Variants in P2RY14 observed in about 807,000 individuals in gnomAD.
The protein encoded by P2RY14 is purinergic receptor P2Y14, also known as P2Y purinoceptor 14.
In P2RY14, 2 loss-of-function variants were observed where a neutral mutation model predicts 0.9. That is an observed-to-expected ratio of 2.16 (90% CI 0.88 to 6.79). The LOEUF is 6.79. Among genes scored for constraint, P2RY14 ranks in the 30% most tolerant of loss-of-function variants. The pLI, the probability that P2RY14 is intolerant of heterozygous loss-of-function variation, is 0.05. For synonymous variants in P2RY14, 158 were observed against 147.2 expected, an observed-to-expected ratio of 1.07 and a Z score of -0.53; for missense variants, 378 against 400.1, an observed-to-expected ratio of 0.94 and a Z score of 0.47.
At chr3:151,265,441 T>A (rs1577174307) in intron 1 of P2RY14, among the ~76,000 whole-genome samples, 1 of 152,220 alleles carries the variant, frequency 6.6e-6, no homozygotes, top group African/African-American at 2.4e-5. Flanking sequence ...TCTGCTTCTT[T>A]ACTCTTATAT....
chr3:151,269,986 C>A, intron 1 of P2RY14: 4 of 274,250 alleles, frequency 1.5e-5, no homozygotes, highest in Non-Finnish European at 2.1e-5. Context: ...ACTTGGTTTT[C>A]AATATGGATG....
intron 1 of P2RY14, among the ~76,000 whole-genome samples, chr3:151,225,201 C>T (rs903466485): frequency 6.6e-6 from 1 of 152,184 alleles, no homozygotes; most frequent in African/African-American, 2.4e-5. Flanking sequence ...CCCTCGACTT[C>T]ACAGAAGTTG....
chr3:151,234,401 G>A (rs550685265), intron 1 of P2RY14, among the ~76,000 whole-genome samples: 40 of 152,350 alleles, frequency 2.6e-4, no homozygotes, highest in Non-Finnish European at 4.9e-4. Context: ...GTAGAGCTGA[G>A]ATTTGAATCG....
chr3:151,258,851 C>CAAA (rs63714361), intron 1 of P2RY14, among the ~76,000 whole-genome samples: 3 of 89,910 alleles, frequency 3.3e-5, no homozygotes, highest in African/African-American at 4.7e-5. Flanking sequence ...GATTCTGTCT[C>CAAA]AAAAAAAAAA....
intron 1 of P2RY14, among the ~76,000 whole-genome samples, chr3:151,230,495 A>G (rs1317305012): frequency 1.3e-5 from 2 of 151,846 alleles, no homozygotes; most frequent in African/African-American, 4.8e-5. Flanking sequence ...TCGTTATACT[A>G]TACACTACAC....
At chr3:151,237,045 C>CTT (rs56926535) in intron 1 of P2RY14, among the ~76,000 whole-genome samples, 2,527 of 125,792 alleles carry the variant, frequency 0.02, 107 homozygotes, top group African/African-American at 0.07. Flanking sequence ...TGATGCCAAA[C>CTT]TTTTTTTTTT....
chr3:151,239,332 C>A (rs558869383), intron 1 of P2RY14, among the ~76,000 whole-genome samples: 1 of 152,150 alleles, frequency 6.6e-6, no homozygotes, highest in Non-Finnish European at 1.5e-5. Context: ...AAAAAACCAC[C>A]TGTTGAGTTT....
At chr3:151,222,994 A>G (rs993116387) in intron 1 of P2RY14, among the ~76,000 whole-genome samples, 1 of 152,132 alleles carries the variant, frequency 6.6e-6, no homozygotes, top group African/African-American at 2.4e-5. Flanking sequence ...AGAGGTGGCG[A>G]TTGTGATCAT....
At chr3:151,223,219 GA>G (rs1391664795) in intron 1 of P2RY14, among the ~76,000 whole-genome samples, 1 of 107,022 alleles carries the variant, frequency 9.3e-6, no homozygotes, top group African/African-American at 3.8e-5. Flanking sequence ...GCAGAAAAAA[GA>G]GAACACTTAT....
chr3:151,272,363 C>G (rs1482410028), intron 1 of P2RY14, among the ~76,000 whole-genome samples: 1 of 152,294 alleles, frequency 6.6e-6, no homozygotes, highest in South Asian at 2.1e-4. Context: ...TTTTTCTACT[C>G]AGTATATCAT....
At chr3:151,246,385 A>C (rs969119717) in intron 1 of P2RY14, among the ~76,000 whole-genome samples, 1 of 152,082 alleles carries the variant, frequency 6.6e-6, no homozygotes, top group African/African-American at 2.4e-5. Context: ...ACAAGGCTAC[A>C]GTAACCAAAA....
At chr3:151,250,094 CTTGTTGGAAA>C (rs1442623169) in intron 1 of P2RY14, among the ~76,000 whole-genome samples, 1 of 152,150 alleles carries the variant, frequency 6.6e-6, no homozygotes, top group Non-Finnish European at 1.5e-5. Context: ...CTTATCCAAA[CTTGTTGGAAA>C]TGGTCTGCGT....
chr3:151,278,123 T>C (rs1352731438), intron 1 of P2RY14, among the ~76,000 whole-genome samples, 164 bp downstream of exon 1: 1 of 152,142 alleles, frequency 6.6e-6, no homozygotes, highest in Admixed American at 6.5e-5. Context: ...TATATTAATA[T>C]ACCAATTATA....
intron 1 of P2RY14, among the ~76,000 whole-genome samples, chr3:151,244,795 C>CA (rs1040795520): frequency 1.3e-5 from 2 of 151,942 alleles, no homozygotes; most frequent in African/African-American, 4.8e-5. Context: ...AATAGAGTCA[C>CA]AAAAAACCCT....
chr3:151,251,204 C>T (rs1177473342), intron 1 of P2RY14, among the ~76,000 whole-genome samples: 2 of 152,188 alleles, frequency 1.3e-5, no homozygotes, highest in Non-Finnish European at 2.9e-5. Flanking sequence ...CTCTCACCAC[C>T]TTGCACCTCT....
chr3:151,270,312 G>T (rs1396529355), intron 1 of P2RY14, among the ~76,000 whole-genome samples: 1 of 150,242 alleles, frequency 6.7e-6, no homozygotes, highest in Admixed American at 6.7e-5. Context: ...CAACTTATTT[G>T]GGGGGAAAAT....
At chr3:151,223,420 G>A (rs775531276) in intron 1 of P2RY14, among the ~76,000 whole-genome samples, 14 of 152,160 alleles carry the variant, frequency 9.2e-5, no homozygotes, top group Non-Finnish European at 1.2e-4. Context: ...ATTCACAATA[G>A]CAAAGGCATA....
At chr3:151,262,674 GA>G (rs1361163053) in intron 1 of P2RY14, among the ~76,000 whole-genome samples, 4 of 152,128 alleles carry the variant, frequency 2.6e-5, no homozygotes, top group African/African-American at 9.7e-5. Flanking sequence ...TAAAATCACC[GA>G]CAGATTTATT....
At chr3:151,263,765 C>T (rs964112831) in intron 1 of P2RY14, among the ~76,000 whole-genome samples, 1 of 34,372 alleles carries the variant, frequency 2.9e-5, no homozygotes, top group Non-Finnish European at 5.3e-5. Flanking sequence ...CCCGTACCAC[C>T]CCCCCCACTT....
Sources: gnomAD v4.1 joint callset for allele counts (sites outside exome capture counted in the v4.1 genomes callset) on GRCh38, gnomAD v4.1.1 for gene constraint, MANE v1.5 for transcripts, NCBI Gene and HGNC (gene_info 2026-07-23, HGNC 2026-07-21) for gene names.